Variants in SERPINB6 observed in about 807,000 individuals in gnomAD.
The protein encoded by SERPINB6 is serpin family B member 6.
SERPINB6 carries 16 observed loss-of-function variants against 26.1 expected under a neutral mutation model. The ratio of observed to expected loss-of-function variants is 0.61; its 90% CI spans 0.42 to 0.93. The LOEUF is 0.93. Ranked by LOEUF, SERPINB6 falls within the 40% of genes least tolerant of loss-of-function variation. The pLI is 0.00. For synonymous variants in SERPINB6, 174 were observed against 176.6 expected (o/e 0.99, Z 0.11); for missense variants, 420 against 478.0 (o/e 0.88, Z 1.13).
At position 2,948,334 on chromosome 6, in the gene SERPINB6, G is replaced by A. The variant is rs145397970; in HGVS notation, c.1095C>T (p.Asn365=). ...AAAAGCGGCCGCAGAAGAGAATCCC[G>A]TTGGTCTTGCTGTGCTGGATGAAGA... ...FLFFIQHSKT[N]GILFCGRFSS... Residue 365 remains asparagine (N), a synonymous_variant, in exon 7 of 7, where the codon AAC becomes AAT. Transcript: ENST00000380539. This position sits in a 1 kb window ranked among gnomAD's most constrained non-coding sequence, Gnocchi z 5.0. The A allele has an allele frequency of 1.5e-3, 2,491 of 1,614,120 alleles. 1 individual carries two copies. The highest frequency in any genetic ancestry group is 1.8e-3 in the Non-Finnish European group (2,098 of 1,180,028).
At chr6:2,958,808 G>A (rs1442298497) in intron 2 of SERPINB6, among the ~76,000 whole-genome samples, 2 of 152,082 alleles carry the variant, frequency 1.3e-5, no homozygotes, top group African/African-American at 4.8e-5. Context: ...ACGCGTAAAT[G>A]AGAAAATAAA....
At chr6:2,958,520 A>C (rs6907260) in intron 2 of SERPINB6, among the ~76,000 whole-genome samples, 6 of 151,998 alleles carry the variant, frequency 3.9e-5, no homozygotes, top group African/African-American at 9.7e-5. Context: ...CCCAGCCGCC[A>C]GGCCTACGGA....
chr6:2,952,813 T>C (rs1769961215), intron 5 of SERPINB6, among the ~76,000 whole-genome samples: 1 of 152,208 alleles, frequency 6.6e-6, no homozygotes, highest in Non-Finnish European at 1.5e-5. Context: ...TGGCACGCCA[T>C]ATCTGGAGTC....
At chr6:2,963,739 C>T in intron 1 of SERPINB6, 1 of 152,434 alleles carries the variant, frequency 6.6e-6, no homozygotes, top group Non-Finnish European at 1.5e-5. Context: ...ACAAGATAAG[C>T]CATGTTCCAC....
rs145673207 is a variant in SERPINB6 at position 2,961,369 on chromosome 6, T to A, written c.-10-2027A>T. The stretch of plus-strand genomic sequence containing the variant: ...TACATATTACTAAAATTCTTCTGAA[T>A]ATAAGGGAGTCTTTGATGATACATA... On this transcript the variant is annotated intron_variant, in intron 1 of 6. Transcript: ENST00000380539. 1.1e-4 allele frequency: 16 copies of A among 152,320 alleles called. No individual in the cohort carries two copies. The East Asian group carries it at 3.1e-3, about 29-fold the overall frequency. 9.4% of individuals were successfully genotyped at this position (152,320 alleles called of 1,614,324 possible). A position where few individuals can be genotyped will look rare whatever the true frequency, so the allele number is the denominator to read the frequency against.
chr6:2,951,392 AAAT>A (rs1296462255), intron 5 of SERPINB6, among the ~76,000 whole-genome samples: 3 of 138,942 alleles, frequency 2.2e-5, no homozygotes, highest in African/African-American at 8.0e-5. Flanking sequence ...GTCTTGGAAA[AAAT>A]AAAAAATAAA....
In SERPINB6 at chr6:2,953,145, A is replaced by G. The variant is rs1485154583; in HGVS notation, c.472T>C (p.Leu158=). The part of the protein sequence containing the change: ...ELLSPGSVDP[L]TRLVLVNAVY... Reference sequence around the variant, plus strand: ...GCATTCACCAGAACCAGCCTTGTCAATGGATCCACTGAGCCCGGAGAGAGC... The same window carrying G: ...GCATTCACCAGAACCAGCCTTGTCAGTGGATCCACTGAGCCCGGAGAGAGC... The change falls in exon 5 of 7, where the codon TTG becomes CTG. Residue 158 remains leucine (L), a synonymous_variant. Coordinates refer to ENST00000380539, the MANE Select transcript of SERPINB6 (RefSeq NM_004568.6). 6.2e-7 allele frequency: 1 copy of G among 1,614,202 alleles called. No individual in the cohort carries two copies. The highest frequency in any genetic ancestry group is 2.2e-5 in the East Asian group (1 of 44,890).
At chr6:2,954,082 C>A (rs890113138) in intron 4 of SERPINB6, among the ~76,000 whole-genome samples, 3 of 144,548 alleles carry the variant, frequency 2.1e-5, no homozygotes, top group African/African-American at 7.7e-5. Flanking sequence ...TGTGTCACTG[C>A]ATTCCAGCCT....
At chr6:2,968,010 C>T (rs957677960) in intron 1 of SERPINB6, 1 of 152,168 alleles carries the variant, frequency 6.6e-6, no homozygotes, top group Non-Finnish European at 1.5e-5. Context: ...GAATGTTCAC[C>T]GCAGCACTAT....
intron 5 of SERPINB6, among the ~76,000 whole-genome samples, chr6:2,951,177 G>GTTC (rs1325923198): frequency 1.3e-5 from 2 of 152,138 alleles, no homozygotes; most frequent in Non-Finnish European, 2.9e-5. Flanking sequence ...CCTGAGGTCA[G>GTTC]GAGTTCGAGA....
chr6:2,965,434 T>C (rs1312226784), intron 1 of SERPINB6, among the ~76,000 whole-genome samples: 2 of 152,164 alleles, frequency 1.3e-5, no homozygotes, highest in Admixed American at 6.5e-5. Flanking sequence ...TAATTTTTTT[T>C]CTCAAACACA....
chr6:2,955,197 A>C (rs1407648646), intron 3 of SERPINB6: 4 of 295,188 alleles, frequency 1.4e-5, no homozygotes, highest in Admixed American at 1.0e-4. Context: ...CTCAAAAAAA[A>C]AAAAACAAAA....
At chr6:2,971,502 T>C (rs1256373336) in intron 1 of SERPINB6, 31 bp downstream of exon 1, 1 of 152,090 alleles carries the variant, frequency 6.6e-6, no homozygotes, top group Non-Finnish European at 1.5e-5. Context: ...CAAGCCAGCG[T>C]GTCCGAGCGG....
intron 4 of SERPINB6, 124 bp downstream of exon 4, chr6:2,954,468 T>A: frequency 2.5e-6 from 2 of 812,092 alleles, no homozygotes; most frequent in South Asian, 1.4e-5. Context: ...GCAGATTTTT[T>A]AAGTTTGCAG....
intron 1 of SERPINB6, 111 bp from the exon 2 acceptor site, chr6:2,959,453 AAC>A (rs1476007707): frequency 6.9e-6 from 7 of 1,021,614 alleles, no homozygotes; most frequent in African/African-American, 6.3e-5. Context: ...GGCAAGCAGA[AAC>A]ACACACAGAA....
chr6:2,954,545 A>G lies in SERPINB6; in HGVS notation c.430+47T>C, dbSNP rs1328400411. ...GTCTTGTGAAGGAACTGACAATAAA[A>G]TGGATTAAGAGGTTATTACAAAAGT... is the stretch of plus-strand genomic sequence containing the variant. On this transcript the variant is annotated intron_variant, in intron 4 of 6. Transcript: ENST00000380539. The G allele has an allele frequency of 2.1e-6, 3 of 1,408,548 alleles. No individual in the cohort carries two copies. In the African/African-American group the frequency reaches 4.2e-5, roughly 20 times the overall value. 87.3% of individuals were successfully genotyped at this position (1,408,548 alleles called of 1,614,324 possible). A position where few individuals can be genotyped will look rare whatever the true frequency, so the allele number is the denominator to read the frequency against.
chr6:2,953,153 A>G lies in SERPINB6; in HGVS notation c.464T>C (p.Val155Ala). 2 of 1,614,224 alleles carry G rather than the reference A, an allele frequency of 1.2e-6. No homozygotes were observed. Among genetic ancestry groups the G allele is most frequent in the Non-Finnish European group, 8.5e-7 (1 of 1,180,030 alleles). The change falls in exon 5 of 7, where the codon GTG becomes GCG. Residue 155 changes from valine (V) to alanine (A), a missense_variant. Transcript: ENST00000380539. Reference protein sequence around the residue: ...KIAELLSPGSVDPLTRLVLVN... With the variant: ...KIAELLSPGSADPLTRLVLVN... ...CAGAACCAGCCTTGTCAATGGATCC[A>G]CTGAGCCCGGAGAGAGCAACTCCGC...
chr6:2,951,757 C>T (rs1769837658), intron 5 of SERPINB6, among the ~76,000 whole-genome samples: 1 of 152,240 alleles, frequency 6.6e-6, no homozygotes, highest in Non-Finnish European at 1.5e-5. Flanking sequence ...CACTGCAGAA[C>T]TCAGAAAGCA....
intron 1 of SERPINB6, chr6:2,960,985 C>G (rs1197394324): frequency 1.3e-5 from 2 of 150,152 alleles, no homozygotes; most frequent in Non-Finnish European, 3.0e-5. Flanking sequence ...AGATGAAGGG[C>G]CTCAAGCCAA....
Sources: gnomAD v4.1 joint callset for allele counts (sites outside exome capture counted in the v4.1 genomes callset) on GRCh38, gnomAD v4.1.1 for gene constraint, Gnocchi (gnomAD v3.1) non-coding constraint, MANE v1.5 for transcripts, NCBI Gene and HGNC (gene_info 2026-07-23, HGNC 2026-07-21) for gene names.